Variants in RIGI observed in about 807,000 individuals in gnomAD.
RIGI encodes RNA sensor RIG-I.
the RIGI span, among the ~76,000 whole-genome samples, chr9:32,479,772 G>A: frequency 6.6e-6 from 1 of 151,494 alleles, no homozygotes; most frequent in Non-Finnish European, 1.5e-5. Context: ...GGGAGGCAGA[G>A]GTTGCAGTGA....
the RIGI span, among the ~76,000 whole-genome samples, chr9:32,492,121 C>T: frequency 2.0e-5 from 3 of 152,166 alleles, no homozygotes; most frequent in Admixed American, 6.5e-5. Flanking sequence ...ACTGAGAGTT[C>T]GGATTTTGCC....
the RIGI span, among the ~76,000 whole-genome samples, chr9:32,469,445 C>A: frequency 6.6e-6 from 1 of 152,266 alleles, no homozygotes; most frequent in African/African-American, 2.4e-5. Flanking sequence ...GTGGGGCAGT[C>A]ATGAATGGAG....
chr9:32,515,606 C>G, the RIGI span, among the ~76,000 whole-genome samples: 1 of 152,166 alleles, frequency 6.6e-6, no homozygotes, highest in African/African-American at 2.4e-5. Flanking sequence ...ATTTGTGAAT[C>G]ATATTTTCAA....
chr9:32,501,671 T>C, the RIGI span, among the ~76,000 whole-genome samples: 11 of 152,200 alleles, frequency 7.2e-5, no homozygotes, highest in African/African-American at 2.7e-4. Flanking sequence ...TGATACTTGA[T>C]AATTTTCTGG....
chr9:32,479,991 T>C, the RIGI span, among the ~76,000 whole-genome samples: 1 of 152,210 alleles, frequency 6.6e-6, no homozygotes, highest in Non-Finnish European at 1.5e-5. Flanking sequence ...CCTTTGCAAA[T>C]CTTGTTTTTC....
At chr9:32,500,229 C>G in the RIGI span, among the ~76,000 whole-genome samples, 1 of 152,168 alleles carries the variant, frequency 6.6e-6, no homozygotes, top group African/African-American at 2.4e-5. Context: ...CTTCCATATA[C>G]ATTGTAGAAT....
chr9:32,487,466 C>T, the RIGI span: 1 of 1,613,688 alleles, frequency 6.2e-7, no homozygotes, highest in Non-Finnish European at 8.5e-7. Context: ...TTGGATCCAA[C>T]TTACACTTCT....
chr9:32,523,968 C>T, the RIGI span, among the ~76,000 whole-genome samples: 3 of 151,966 alleles, frequency 2.0e-5, no homozygotes, highest in Admixed American at 1.3e-4. Context: ...TCACCTTGGA[C>T]CTTTGCACAT....
chr9:32,502,376 G>A, the RIGI span, among the ~76,000 whole-genome samples: 9 of 152,218 alleles, frequency 5.9e-5, no homozygotes, highest in Admixed American at 6.5e-5. Context: ...ACACATAGGT[G>A]TGAGATTTCT....
the RIGI span, among the ~76,000 whole-genome samples, chr9:32,472,732 T>G: frequency 2.0e-5 from 3 of 152,222 alleles, no homozygotes; most frequent in Admixed American, 2.0e-4. Flanking sequence ...AAGAAATCTC[T>G]GTATATATGC....
the RIGI span, among the ~76,000 whole-genome samples, chr9:32,509,526 TAACA>T: frequency 6.6e-6 from 1 of 152,028 alleles, no homozygotes; most frequent in South Asian, 2.1e-4. Flanking sequence ...GAAGGAAAAC[TAACA>T]AACAGGAATA....
the RIGI span, chr9:32,526,037 G>C: frequency 6.4e-7 from 1 of 1,572,738 alleles, no homozygotes; most frequent in Non-Finnish European, 8.8e-7. Context: ...TTTCCGCCGA[G>C]AAGGCGCCGC....
At chr9:32,507,986 T>C in the RIGI span, among the ~76,000 whole-genome samples, 1 of 152,124 alleles carries the variant, frequency 6.6e-6, no homozygotes, top group African/African-American at 2.4e-5. Flanking sequence ...TTCCCTTTCC[T>C]ATATTTTCTG....
chr9:32,487,464 A>T, the RIGI span: 2 of 1,613,722 alleles, frequency 1.2e-6, no homozygotes, highest in South Asian at 2.2e-5. Flanking sequence ...TATTGGATCC[A>T]ACTTACACTT....
At chr9:32,455,888 A>G in the RIGI span, 3 of 152,206 alleles carry the variant, frequency 2.0e-5, no homozygotes, top group Admixed American at 6.5e-5. Context: ...GAAGTTATAT[A>G]ACTGGCAAGT....
the RIGI span, among the ~76,000 whole-genome samples, chr9:32,482,810 G>A: frequency 1.3e-5 from 2 of 151,686 alleles, no homozygotes; most frequent in East Asian, 3.9e-4. Flanking sequence ...AGTGAACCGA[G>A]ATCACGTCAC....
At chr9:32,462,373 T>G in the RIGI span, among the ~76,000 whole-genome samples, 1 of 151,340 alleles carries the variant, frequency 6.6e-6, no homozygotes, top group African/African-American at 2.4e-5. Context: ...AAATTCAAAT[T>G]TGCTTTATAT....
At chr9:32,488,238 CGATGTGGATAAGGAACCACAA>C in the RIGI span, 1 of 1,601,888 alleles carries the variant, frequency 6.2e-7, no homozygotes, top group Non-Finnish European at 8.5e-7. Flanking sequence ...TTACTAACCA[CGATGTGGATAAGGAACCACAA>C]AGATGAAATG....
At chr9:32,479,560 G>A in the RIGI span, among the ~76,000 whole-genome samples, 1 of 152,154 alleles carries the variant, frequency 6.6e-6, no homozygotes, top group African/African-American at 2.4e-5. Flanking sequence ...ATATAGGCCA[G>A]GCACAGTGGC....
Sources: gnomAD v4.1 joint callset for allele counts (sites outside exome capture counted in the v4.1 genomes callset) on GRCh38, gnomAD v4.1.1 for gene constraint, MANE v1.5 for transcripts, NCBI Gene and HGNC (gene_info 2026-07-23, HGNC 2026-07-21) for gene names.